NUP210L: variants seen among roughly 807,000 people sequenced by gnomAD.
NUP210L encodes nucleoporin 210 like, also known as nuclear pore membrane glycoprotein 210-like.
A neutral mutation model predicts 208.5 loss-of-function variants in NUP210L; 74 were observed. The ratio of observed to expected loss-of-function variants is 0.35; its 90% CI spans 0.29 to 0.43. The LOEUF (loss-of-function observed/expected upper bound fraction) is 0.43. Among genes scored for constraint, NUP210L ranks in the 20% least tolerant of loss-of-function variants. NUP210L has a pLI of 1.00. For synonymous variants in NUP210L, 780 were observed against 816.9 expected, an observed-to-expected ratio of 0.95 and a Z score of 0.77; for missense variants, 1,843 against 2,289.4, an observed-to-expected ratio of 0.81 and a Z score of 3.98.
intron 7 of NUP210L, among the ~76,000 whole-genome samples, chr1:154,132,198 C>T (rs1446411114): frequency 1.3e-5 from 2 of 152,198 alleles, no homozygotes; most frequent in Non-Finnish European, 2.9e-5. Flanking sequence ...GCTAGCATTA[C>T]ACAATTTTGT....
intron 16 of NUP210L, among the ~76,000 whole-genome samples, chr1:154,077,324 C>A (rs1033727026): frequency 6.6e-6 from 1 of 151,302 alleles, no homozygotes; most frequent in Admixed American, 6.6e-5. Flanking sequence ...TGCAATAAGC[C>A]GAGATCATTC....
At chr1:154,028,112 T>C (rs1652001852) in intron 28 of NUP210L, among the ~76,000 whole-genome samples, 1 of 151,920 alleles carries the variant, frequency 6.6e-6, no homozygotes, top group Non-Finnish European at 1.5e-5. Context: ...AAAAAAAAAG[T>C]CTCAAAATCA....
intron 23 of NUP210L, among the ~76,000 whole-genome samples, chr1:154,055,500 C>T (rs1176896177): frequency 1.3e-5 from 2 of 152,120 alleles, no homozygotes; most frequent in Non-Finnish European, 2.9e-5. Context: ...ATCCACCTGC[C>T]TCAGCCTCCC....
exon 16 of NUP210L, chr1:154,089,507 G>A (rs1381436911): frequency 6.2e-7 from 1 of 1,613,994 alleles, no homozygotes; most frequent in Admixed American, 1.7e-5. Context: ...CTGGCAGGGT[G>A]GGCACAAATG....
At chr1:154,127,379 C>A in exon 9 of NUP210L, 1 of 1,605,892 alleles carries the variant, frequency 6.2e-7, no homozygotes, top group Non-Finnish European at 8.5e-7. Context: ...ACCTGTCCCA[C>A]CTCTAGACTC....
At chr1:154,055,133 TTC>T (rs1452742968) in intron 23 of NUP210L, among the ~76,000 whole-genome samples, 10 of 68,628 alleles carry the variant, frequency 1.5e-4, no homozygotes, top group African/African-American at 7.5e-4. Context: ...TTTTCTTTCT[TTC>T]TTTCTTTCTT....
At chr1:154,141,582 AT>A in intron 3 of NUP210L, 58 bp from the exon 4 acceptor site, 1 of 1,036,484 alleles carries the variant, frequency 9.6e-7, no homozygotes, top group Non-Finnish European at 1.5e-6. Flanking sequence ...ATATTCAGGT[AT>A]TTACAACAAG....
chr1:154,071,510 T>C (rs1344833171), intron 16 of NUP210L, among the ~76,000 whole-genome samples: 1 of 151,798 alleles, frequency 6.6e-6, no homozygotes, highest in Non-Finnish European at 1.5e-5. Flanking sequence ...CCTCATAGTT[T>C]AGTTCCTACT....
At chr1:154,055,187 C>CTTTCTTTCTTT in intron 23 of NUP210L, among the ~76,000 whole-genome samples, 1 of 83,976 alleles carries the variant, frequency 1.2e-5, no homozygotes, top group South Asian at 3.7e-4. Context: ...TTCTTTCTTT[C>CTTTCTTTCTTT]TTTTTCTTTC....
At chr1:154,053,635 T>C (rs905470201) in intron 25 of NUP210L, among the ~76,000 whole-genome samples, 5 of 152,256 alleles carry the variant, frequency 3.3e-5, no homozygotes, top group African/African-American at 1.2e-4. Flanking sequence ...GAGCAATCTG[T>C]GCCTTAAGGA....
Position 154,010,139 on chromosome 1 carries a change from G to A in NUP210L, c.4781-18C>T, listed in dbSNP as rs1222209959. The A allele has an allele frequency of 2.6e-5, 42 of 1,599,042 alleles. No individual in the cohort carries two copies. The highest frequency in any genetic ancestry group is 3.5e-5 in the Non-Finnish European group (41 of 1,174,210). On this transcript the variant is annotated intron_variant, in intron 34 of 39. Transcript: ENST00000368559. Reference sequence around the variant, plus strand: ...ACAGAATCCTGAAAAGCAGAAAAGAGGTAAATAGCTTTGTCACTAACAAGA... The same window carrying A: ...ACAGAATCCTGAAAAGCAGAAAAGAAGTAAATAGCTTTGTCACTAACAAGA...
At chr1:154,007,270 TA>T (rs779652251) in intron 35 of NUP210L, among the ~76,000 whole-genome samples, 47 of 98,134 alleles carry the variant, frequency 4.8e-4, no homozygotes, top group Non-Finnish European at 6.5e-4. Context: ...CTTATATATA[TA>T]TTTTTTTTGA....
chr1:154,102,991 G>A (rs530015814), intron 13 of NUP210L, among the ~76,000 whole-genome samples: 6 of 152,148 alleles, frequency 3.9e-5, no homozygotes, highest in African/African-American at 1.4e-4. Context: ...TAGCAGTATA[G>A]CTTGGGCCCA....
chr1:154,127,318 A>C (rs1168245129), exon 9 of NUP210L: 1 of 1,534,714 alleles, frequency 6.5e-7, no homozygotes, highest in Non-Finnish European at 9.0e-7. Flanking sequence ...CACATCTGAA[A>C]TATAGACCTT....
At chr1:153,998,908 G>C (rs970484056) in intron 37 of NUP210L, among the ~76,000 whole-genome samples, 1 of 151,654 alleles carries the variant, frequency 6.6e-6, no homozygotes, top group African/African-American at 2.4e-5. Context: ...TAGAGATAAG[G>C]TCTTGCTGTG....
At chr1:154,058,749 C>A in intron 20 of NUP210L, 56 bp from the exon 21 acceptor site, 1 of 1,570,920 alleles carries the variant, frequency 6.4e-7, no homozygotes, top group Non-Finnish European at 8.7e-7. Context: ...CAAGCATAAT[C>A]AAAGCAACTA....
intron 16 of NUP210L, among the ~76,000 whole-genome samples, chr1:154,072,617 C>G (rs565446502): frequency 6.6e-6 from 1 of 152,030 alleles, no homozygotes; most frequent in East Asian, 1.9e-4. Flanking sequence ...CAGGCGTGAG[C>G]CACCGCGCCT....
At chr1:154,062,248 T>C (rs1188477788) in intron 17 of NUP210L, among the ~76,000 whole-genome samples, 1 of 152,206 alleles carries the variant, frequency 6.6e-6, no homozygotes, top group Non-Finnish European at 1.5e-5. Context: ...AAATTCTTTC[T>C]AGCTTTGATG....
intron 27 of NUP210L, among the ~76,000 whole-genome samples, chr1:154,043,147 G>A (rs1367073792): frequency 6.7e-6 from 1 of 148,424 alleles, no homozygotes; most frequent in Non-Finnish European, 1.5e-5. Context: ...AGCCTCCTGA[G>A]TAGCTGGGAT....
Sources: gnomAD v4.1 joint callset for allele counts (sites outside exome capture counted in the v4.1 genomes callset) on GRCh38, gnomAD v4.1.1 for gene constraint, MANE v1.5 for transcripts, NCBI Gene and HGNC (gene_info 2026-07-23, HGNC 2026-07-21) for gene names.